TRIM34: variants seen among roughly 807,000 people sequenced by gnomAD.
TRIM34 encodes the protein E3 ubiquitin-protein ligase TRIM34.
A neutral mutation model predicts 38.1 loss-of-function variants in TRIM34; 41 were observed. The ratio of observed to expected loss-of-function variants is 1.08; its 90% CI spans 0.84 to 1.40. TRIM34 has a LOEUF of 1.40. TRIM34 is among the 40% of genes most tolerant of loss of function. The probability of loss-of-function intolerance (pLI) is 0.00; values close to 1 mark genes in which losing one functional copy is unlikely to be tolerated. For missense variants in TRIM34, 556 were observed against 571.4 expected, an observed-to-expected ratio of 0.97 and a Z score of 0.27; for synonymous variants, 200 against 202.5, an observed-to-expected ratio of 0.99 and a Z score of 0.10.
At chr11:5,625,868 G>T (rs1849195536) in intron 1 of TRIM34, among the ~76,000 whole-genome samples, 1 of 152,176 alleles carries the variant, frequency 6.6e-6, no homozygotes, top group African/African-American at 2.4e-5. Context: ...ACCTCAATTT[G>T]TTATTGCTTT....
At chr11:5,621,002 T>G (rs1318793741), upstream of TRIM34, among the ~76,000 whole-genome samples, 1 of 152,204 alleles carries the variant, frequency 6.6e-6, no homozygotes, top group Non-Finnish European at 1.5e-5. Flanking sequence ...TCCCCATATC[T>G]TGGTGACCTT....
In TRIM34 at chr11:5,643,261, G is replaced by C; in HGVS notation, c.1019G>C (p.Gly340Ala). The change falls in exon 8 of 8, where the codon GGA becomes GCA. Residue 340 changes from glycine to alanine, a missense_variant. Physicochemically the swap from Gly to Ala is moderately conservative, Grantham distance 60. Coordinates refer to ENST00000429814, the MANE Select transcript of TRIM34 (RefSeq NM_021616.6). Reference protein sequence around the residue: ...PFQCYNYGVLGSQYFSSGKHY... With the variant: ...PFQCYNYGVLASQYFSSGKHY... ...CAGTGTTATAATTATGGTGTCTTGG[G>C]ATCCCAATATTTCTCCTCTGGGAAA... The C allele has an allele frequency of 2.5e-6, 4 of 1,613,940 alleles. No homozygotes were observed. Among genetic ancestry groups the C allele is most frequent in the Non-Finnish European group, 8.5e-7 (1 of 1,179,984 alleles).
intron 1 of TRIM34, among the ~76,000 whole-genome samples, chr11:5,631,940 T>C (rs1457684472): frequency 6.6e-6 from 1 of 152,004 alleles, no homozygotes; most frequent in African/African-American, 2.4e-5. Flanking sequence ...GAATGATGAG[T>C]TTGTGGTTGT....
chr11:5,633,734 C>T, intron 2 of TRIM34, 70 bp from the exon 3 acceptor site: 1 of 1,451,122 alleles, frequency 6.9e-7, no homozygotes, highest in Non-Finnish European at 9.2e-7. Context: ...TTGATTTTTT[C>T]CCTGTTTGTC....
At chr11:5,641,845 T>G (rs540411541) in intron 5 of TRIM34, among the ~76,000 whole-genome samples, 2 of 152,310 alleles carry the variant, frequency 1.3e-5, no homozygotes, top group Admixed American at 1.3e-4. Context: ...TTAGTTAGGT[T>G]GTCATAACTT....
At chr11:5,624,591 A>G (rs1849119926), upstream of TRIM34, among the ~76,000 whole-genome samples, 1 of 152,216 alleles carries the variant, frequency 6.6e-6, no homozygotes, top group Non-Finnish European at 1.5e-5. Flanking sequence ...AGGGAAGGTT[A>G]AAACAGGGCT....
At chr11:5,629,704 C>G (rs1319505165) in intron 1 of TRIM34, among the ~76,000 whole-genome samples, 1 of 152,050 alleles carries the variant, frequency 6.6e-6, no homozygotes, top group African/African-American at 2.4e-5. Flanking sequence ...CGTGAGGATT[C>G]TTTTGTTTTG....
chr11:5,634,920 G>A (rs773121478), intron 4 of TRIM34, 59 bp downstream of exon 4: 115 of 1,557,754 alleles, frequency 7.4e-5, no homozygotes, highest in Admixed American at 1.3e-4. Flanking sequence ...GTGTCCTTGC[G>A]TTCTCATCCT....
At chr11:5,632,157 T>G (rs904216853) in intron 1 of TRIM34, 98 bp from the exon 2 acceptor site, 41 of 1,482,408 alleles carry the variant, frequency 2.8e-5, no homozygotes, top group Non-Finnish European at 3.6e-5. Context: ...TCTTCTTTGT[T>G]CTTTGATATT....
chr11:5,630,107 T>G (rs540122096), intron 1 of TRIM34, among the ~76,000 whole-genome samples: 4 of 152,302 alleles, frequency 2.6e-5, no homozygotes, highest in Admixed American at 2.0e-4. Flanking sequence ...TTGATTCCCT[T>G]GTAAAGACCA....
Position 5,644,213 on chromosome 11 carries a change from A to G in TRIM34, c.*504A>G, listed in dbSNP as rs1261091499. ...TTTATGTCCAGAGTATTTGAGCTCA[A>G]ACCTTGCCTGTTGTTTTCTAATCAT... On this transcript the variant is annotated 3_prime_UTR_variant, in exon 8 of 8. Coordinates refer to ENST00000429814, the MANE Select transcript of TRIM34 (RefSeq NM_021616.6). The G allele has an allele frequency of 7.5e-6, 3 of 398,792 alleles. No homozygotes were observed. Among genetic ancestry groups the G allele is most frequent in the African/African-American group, 4.1e-5 (2 of 48,642 alleles). 24.7% of individuals were successfully genotyped at this position (398,792 alleles called of 1,614,324 possible). A position where few individuals can be genotyped will look rare whatever the true frequency, so the allele number is the denominator to read the frequency against.
At chr11:5,634,507 A>ACG (rs1213473261) in intron 3 of TRIM34, 124 bp from the exon 4 acceptor site, 1 of 452,708 alleles carries the variant, frequency 2.2e-6, no homozygotes, top group Admixed American at 3.9e-5. Context: ...ACACACACAC[A>ACG]CACACACACA....
At chr11:5,631,750 G>T (rs1307881797) in intron 1 of TRIM34, among the ~76,000 whole-genome samples, 1 of 152,168 alleles carries the variant, frequency 6.6e-6, no homozygotes, top group Non-Finnish European at 1.5e-5. Flanking sequence ...TCTGTGGAGA[G>T]ACAGGGAAGT....
Position 5,643,174 on chromosome 11 carries a change from A to C in TRIM34, c.932A>C (p.Asn311Thr). The C allele has an allele frequency of 6.3e-7, 1 of 1,577,602 alleles. No homozygotes were observed. Among genetic ancestry groups the C allele is most frequent in the African/African-American group, 1.4e-5 (1 of 73,332 alleles). ...VDVTLNSVNL[N>T]LNLVLSEDQR... Reference sequence around the variant, plus strand: ...GTCACACTGAATTCAGTCAACCTAAATTTGAATCTTGTCCTTTCAGAAGAT... The same window carrying C: ...GTCACACTGAATTCAGTCAACCTAACTTTGAATCTTGTCCTTTCAGAAGAT... The change falls in exon 8 of 8, where the codon AAT (asparagine) becomes ACT (threonine). Residue 311 changes from asparagine (N) to threonine (T), a missense_variant. Coordinates refer to ENST00000429814, the MANE Select transcript of TRIM34 (RefSeq NM_021616.6).
At chr11:5,639,451 A>T (rs2342379) in intron 4 of TRIM34, among the ~76,000 whole-genome samples, 3 of 151,524 alleles carry the variant, frequency 2.0e-5, no homozygotes, top group Non-Finnish European at 2.9e-5. Flanking sequence ...GAGACCGAAG[A>T]GGGCGGATCA....
chr11:5,626,439 A>C (rs1266549185), intron 1 of TRIM34, among the ~76,000 whole-genome samples: 1 of 152,216 alleles, frequency 6.6e-6, no homozygotes, highest in African/African-American at 2.4e-5. Flanking sequence ...GTTTTTATGA[A>C]AGTTTTAAAT....
At chr11:5,620,608 T>C (rs577113257), upstream of TRIM34, among the ~76,000 whole-genome samples, 1 of 152,310 alleles carries the variant, frequency 6.6e-6, no homozygotes, top group African/African-American at 2.4e-5. Context: ...GTAGTAATTC[T>C]CTTTCTTTGG....
At chr11:5,627,457 C>T (rs909848646) in intron 1 of TRIM34, among the ~76,000 whole-genome samples, 5 of 152,008 alleles carry the variant, frequency 3.3e-5, no homozygotes, top group African/African-American at 1.2e-4. Flanking sequence ...TGGTTTCTAC[C>T]AGAGTGGTGG....
At chr11:5,629,378 T>A (rs1156853866) in intron 1 of TRIM34, among the ~76,000 whole-genome samples, 2 of 152,220 alleles carry the variant, frequency 1.3e-5, no homozygotes, top group Non-Finnish European at 2.9e-5. Context: ...GATTTTCAAA[T>A]AAGTTCACAT....
Sources: gnomAD v4.1 joint callset for allele counts (sites outside exome capture counted in the v4.1 genomes callset) on GRCh38, gnomAD v4.1.1 for gene constraint, MANE v1.5 for transcripts, NCBI Gene and HGNC (gene_info 2026-07-23, HGNC 2026-07-21) for gene names.